Variants in LRCH2 observed in about 807,000 individuals in gnomAD.
LRCH2 encodes leucine rich repeats and calponin homology domain containing 2, also known as leucine-rich repeat and calponin homology domain-containing protein 2.
Under a neutral mutation model 68.9 loss-of-function variants are expected in LRCH2, and 38 were observed. The ratio of observed to expected loss-of-function variants is 0.55; its 90% CI spans 0.43 to 0.72. The LOEUF is 0.72. Among genes scored for constraint, LRCH2 ranks in the 30% least tolerant of loss-of-function variants. The probability of loss-of-function intolerance (pLI) is 0.00; values close to 1 mark genes in which losing one functional copy is unlikely to be tolerated. For missense variants in LRCH2, 528 were observed against 572.9 expected (o/e 0.92, Z 0.80); for synonymous variants, 191 against 208.1 (o/e 0.92, Z 0.71).
chrX:115,204,379 C>T (rs185258919), intron 1 of LRCH2, among the ~76,000 whole-genome samples: 37 of 113,401 alleles, frequency 3.3e-4, no homozygotes, highest in African/African-American at 1.1e-3. Context: ...TTTACTTATG[C>T]AAATTTCTGC....
At chrX:115,194,371 T>A (rs908985528) in intron 1 of LRCH2, among the ~76,000 whole-genome samples, 5 of 112,077 alleles carry the variant, frequency 4.5e-5, no homozygotes, top group African/African-American at 1.6e-4. Flanking sequence ...TACCCAAGCA[T>A]CACACAGTTC....
intron 1 of LRCH2, chrX:115,189,351 A>G: frequency 3.1e-6 from 3 of 976,978 alleles, no homozygotes; most frequent in Non-Finnish European, 4.1e-6. Context: ...AACCGGTAGG[A>G]GCCGCCCTCC....
intron 20 of LRCH2, among the ~76,000 whole-genome samples, chrX:115,120,030 T>G (rs1330937764): frequency 9.2e-6 from 1 of 109,269 alleles, no homozygotes; most frequent in Non-Finnish European, 1.9e-5. Context: ...CAAGATGGAT[T>G]AAAGATTTAA....
At chrX:115,170,598 C>G (rs782074172) in intron 5 of LRCH2, among the ~76,000 whole-genome samples, 166 bp from the exon 6 acceptor site, 42 of 111,555 alleles carry the variant, frequency 3.8e-4, no homozygotes, top group Non-Finnish European at 7.0e-4. Flanking sequence ...AAAAATCTGA[C>G]AACACTGATA....
chrX:115,225,496 A>C (rs1239848913), intron 1 of LRCH2, among the ~76,000 whole-genome samples: 3 of 111,912 alleles, frequency 2.7e-5, no homozygotes, highest in African/African-American at 9.7e-5. Flanking sequence ...TTTAATACCA[A>C]AAACAAAACT....
chrX:115,144,933 T>C (rs1000922640), intron 14 of LRCH2, among the ~76,000 whole-genome samples: 1 of 111,340 alleles, frequency 9.0e-6, no homozygotes, highest in Non-Finnish European at 1.9e-5. Flanking sequence ...ATCACAGAAA[T>C]AGAAAAATCA....
chrX:115,176,879 T>C (rs1346679564), intron 5 of LRCH2, among the ~76,000 whole-genome samples: 8 of 106,896 alleles, frequency 7.5e-5, no homozygotes, highest in African/African-American at 2.4e-4. Context: ...CCCCAGTAGC[T>C]GAGACTACAG....
chrX:115,147,659 G>T (rs1174519752), intron 14 of LRCH2, among the ~76,000 whole-genome samples: 1 of 111,292 alleles, frequency 9.0e-6, no homozygotes, highest in Non-Finnish European at 1.9e-5. Context: ...TGAAACCAAA[G>T]AATTATGTTT....
intron 14 of LRCH2, among the ~76,000 whole-genome samples, chrX:115,130,793 A>C (rs1395961607): frequency 8.9e-6 from 1 of 111,921 alleles, no homozygotes; most frequent in Non-Finnish European, 1.9e-5. Flanking sequence ...TAAATGTCTT[A>C]CATGTATTAA....
chrX:115,179,933 G>T lies in LRCH2; in HGVS notation c.622-182C>A, dbSNP rs189285398. ...TCTATTTATACGACATCATGAAGCC[G>T]ACCTAGTACAGTAAATAGAAACTTC... On this transcript the variant is annotated intron_variant, in intron 3 of 20. Transcript: ENST00000317135. 1.3e-4 allele frequency among the ~76,000 whole-genome samples: 14 copies of T among 110,548 alleles called. No individual in the cohort carries two copies. In the Admixed American group the frequency reaches 1.4e-3, roughly 11 times the overall value.
At chrX:115,127,026 A>C (rs190632099) in intron 15 of LRCH2, 133 bp from the exon 16 acceptor site, 8 of 382,211 alleles carry the variant, frequency 2.1e-5, no homozygotes, top group African/African-American at 2.7e-5. Flanking sequence ...CATCCAGCAC[A>C]TTGCCACTCT....
At chrX:115,228,626 T>G (rs1267666564) in intron 1 of LRCH2, among the ~76,000 whole-genome samples, 1 of 112,093 alleles carries the variant, frequency 8.9e-6, no homozygotes, top group Non-Finnish European at 1.9e-5. Context: ...TCAGTGAGGT[T>G]CTGGATCTTG....
At chrX:115,147,607 A>G (rs2072396918) in intron 14 of LRCH2, among the ~76,000 whole-genome samples, 1 of 111,679 alleles carries the variant, frequency 9.0e-6, no homozygotes, top group Admixed American at 9.6e-5. Context: ...ATTATAGAAG[A>G]TGTTTATTTT....
At chrX:115,188,117 G>C (rs2072747592) in intron 2 of LRCH2, 109 bp downstream of exon 2, 3 of 518,026 alleles carry the variant, frequency 5.8e-6, no homozygotes, top group African/African-American at 4.8e-5. Flanking sequence ...ATAAGATACT[G>C]TTGAGATAAA....
At chrX:115,122,925 A>G (rs2072156125) in intron 18 of LRCH2, 28 bp from the exon 19 acceptor site, 1 of 1,156,914 alleles carries the variant, frequency 8.6e-7, no homozygotes, top group Non-Finnish European at 1.2e-6. Context: ...TAAATCAGAT[A>G]CTCTATCTAA....
intron 11 of LRCH2, among the ~76,000 whole-genome samples, chrX:115,157,355 G>A (rs782217489): frequency 3.7e-5 from 4 of 109,300 alleles, no homozygotes; most frequent in South Asian, 3.9e-4. Flanking sequence ...GTAAAATCTC[G>A]GCCTTTTATT....
chrX:115,209,355 C>T (rs2072990646), intron 1 of LRCH2, among the ~76,000 whole-genome samples: 1 of 111,572 alleles, frequency 9.0e-6, no homozygotes, highest in South Asian at 3.8e-4. Flanking sequence ...GCAAGTCTTT[C>T]CCATGCTTTT....
At chrX:115,172,871 C>T (rs1201955799) in intron 5 of LRCH2, among the ~76,000 whole-genome samples, 1 of 106,793 alleles carries the variant, frequency 9.4e-6, no homozygotes. Flanking sequence ...TTTTAGTTTA[C>T]TCCCTCACTT....
chrX:115,223,399 G>T (rs1392849785), intron 1 of LRCH2, among the ~76,000 whole-genome samples: 1 of 110,101 alleles, frequency 9.1e-6, no homozygotes, highest in Non-Finnish European at 1.9e-5. Context: ...GAATAGGAAA[G>T]AAATATTTGC....
Sources: allele counts gnomAD v4.1 joint callset (sites outside exome capture counted in the v4.1 genomes callset), GRCh38; gene constraint gnomAD v4.1.1; transcripts MANE v1.5; gene names NCBI Gene and HGNC (gene_info 2026-07-23, HGNC 2026-07-21).